The following GOSR1 variants were observed in gnomAD, a reference collection of about 807,000 sequenced individuals.
GOSR1 encodes golgi SNAP receptor complex member 1.
Under a neutral mutation model 35.5 loss-of-function variants are expected in GOSR1, and 21 were observed. The ratio of observed to expected loss-of-function variants is 0.59; its 90% CI spans 0.42 to 0.85. The LOEUF is 0.85. Ranked by LOEUF, GOSR1 falls within the 40% of genes least tolerant of loss-of-function variation. The pLI, the probability that GOSR1 is intolerant of heterozygous loss-of-function variation, is 0.00. For synonymous variants in GOSR1, 94 were observed against 106.6 expected (o/e 0.88, Z 0.73); for missense variants, 285 against 309.6 (o/e 0.92, Z 0.60).
chr17:30,477,425 A>G lies in GOSR1; in HGVS notation c.-9A>G. On this transcript the variant is annotated 5_prime_UTR_variant, in exon 1 of 9. Coordinates refer to ENST00000451249, the MANE Select transcript of GOSR1 (RefSeq NM_001007025.2). ...GCTCCCCTATCCCGGCTGACGTTGG[A>G]CGACAAAGATGGCGGCAGGGACCAG... 6.2e-7 allele frequency: 1 copy of G among 1,609,224 alleles called. No individual in the cohort carries two copies. The highest frequency in any genetic ancestry group is 1.3e-5 in the African/African-American group (1 of 74,846).
At chr17:30,521,177 T>C (rs1968019499) in intron 8 of GOSR1, among the ~76,000 whole-genome samples, 2 of 138,254 alleles carry the variant, frequency 1.4e-5, no homozygotes, top group Non-Finnish European at 3.1e-5. Context: ...CTTTTTTTTT[T>C]TTTTTTTTTT....
intron 6 of GOSR1, among the ~76,000 whole-genome samples, chr17:30,493,443 ACTT>A (rs1966884025): frequency 6.6e-6 from 1 of 152,174 alleles, no homozygotes; most frequent in Non-Finnish European, 1.5e-5. Flanking sequence ...GCTTCTAAAT[ACTT>A]CTCTTAAATC....
intron 5 of GOSR1, among the ~76,000 whole-genome samples, chr17:30,491,797 A>G (rs956302306): frequency 1.3e-5 from 2 of 152,248 alleles, no homozygotes; most frequent in South Asian, 4.1e-4. Flanking sequence ...TCTTTTGGTT[A>G]AGATAGAAAT....
In GOSR1 at chr17:30,490,222, G is replaced by A; in HGVS notation, c.434+5G>A. 1 of 1,317,984 alleles carries A rather than the reference G, an allele frequency of 7.6e-7. No homozygotes were observed. The highest frequency in any genetic ancestry group is 2.3e-5 in the East Asian group (1 of 43,366). The allele number at this position is 1,317,984 out of a possible 1,614,324, so 81.6% of individuals were successfully genotyped here. ...ATCAGTACGAAAAGATATTGAGTAAGTTACTTTTTATATTATTTTGTAGAA... is the reference window on the plus strand; with the variant it reads ...ATCAGTACGAAAAGATATTGAGTAAATTACTTTTTATATTATTTTGTAGAA... On this transcript the variant is annotated splice_donor_5th_base_variant and intron_variant, in intron 5 of 8. Transcript: ENST00000451249.
At chr17:30,481,856 A>G (rs1382122050) in intron 2 of GOSR1, among the ~76,000 whole-genome samples, 1 of 152,146 alleles carries the variant, frequency 6.6e-6, no homozygotes, top group South Asian at 2.1e-4. Flanking sequence ...GTAGCCAGGC[A>G]CAGTAGATGA....
At chr17:30,491,502 T>TA (rs1456908857) in intron 5 of GOSR1, among the ~76,000 whole-genome samples, 1 of 151,904 alleles carries the variant, frequency 6.6e-6, no homozygotes, top group Non-Finnish European at 1.5e-5. Context: ...CTACTAAAAA[T>TA]AAAAAAATTA....
chr17:30,492,554 A>G (rs575517832), intron 5 of GOSR1, 125 bp from the exon 6 acceptor site: 1 of 612,462 alleles, frequency 1.6e-6, no homozygotes, highest in Non-Finnish European at 2.9e-6. Context: ...AGGATTATGT[A>G]CTTTCATTGT....
At position 30,486,624 on chromosome 17, in the gene GOSR1, A is replaced by T. The variant is rs1597761715; in HGVS notation, c.342+1854A>T. 2.6e-5 allele frequency among the ~76,000 whole-genome samples: 4 copies of T among 152,336 alleles called. No homozygotes were observed. In the South Asian group the frequency reaches 8.3e-4, roughly 32 times the overall value. ...AGTACACGCAAGAAAATTACCTGAT[A>T]AAAAGTTAGAAACAATTAAATTCAG... On this transcript the variant is annotated intron_variant, in intron 4 of 8. Transcript: ENST00000451249.
intron 2 of GOSR1, among the ~76,000 whole-genome samples, chr17:30,482,648 T>C (rs751217939): frequency 7.2e-5 from 11 of 152,228 alleles, no homozygotes; most frequent in Non-Finnish European, 1.5e-4. Flanking sequence ...AGTGTATACA[T>C]TTGAACAAAA....
intron 7 of GOSR1, among the ~76,000 whole-genome samples, chr17:30,514,895 G>A (rs973543740): frequency 3.3e-5 from 5 of 152,140 alleles, no homozygotes; most frequent in East Asian, 3.9e-4. Context: ...GAGCTCTTTC[G>A]TGAGAGACAG....
intron 7 of GOSR1, 116 bp downstream of exon 7, chr17:30,511,025 A>C (rs1226397717): frequency 3.2e-6 from 2 of 626,690 alleles, no homozygotes; most frequent in East Asian, 2.8e-5. Flanking sequence ...GAACAGATCA[A>C]AGTTCGTTTA....
At position 30,525,087 on chromosome 17, in the gene GOSR1, A is replaced by G. The variant is rs986030610; in HGVS notation, c.*2709A>G. The G allele has an allele frequency of 2.0e-5, 3 of 152,212 alleles. No individual in the cohort carries two copies. The highest frequency in any genetic ancestry group is 1.3e-4 in the Admixed American group (2 of 15,288). 9.4% of individuals were successfully genotyped at this position (152,212 alleles called of 1,614,324 possible). ...CCTGGTTTGTAGACTTCCAACATCTACACTGCTGCTCTTCACCATTGGAAT... is the reference window on the plus strand; with the variant it reads ...CCTGGTTTGTAGACTTCCAACATCTGCACTGCTGCTCTTCACCATTGGAAT... On this transcript the variant is annotated 3_prime_UTR_variant, in exon 9 of 9. Transcript: ENST00000451249.
chr17:30,505,188 A>G (rs1184082192), intron 6 of GOSR1, among the ~76,000 whole-genome samples: 1 of 152,182 alleles, frequency 6.6e-6, no homozygotes, highest in African/African-American at 2.4e-5. Flanking sequence ...CACTTTATAA[A>G]TGTTTAACTT....
chr17:30,488,956 T>C (rs1914855640), intron 4 of GOSR1, among the ~76,000 whole-genome samples: 1 of 152,252 alleles, frequency 6.6e-6, no homozygotes, highest in Non-Finnish European at 1.5e-5. Context: ...AAGAATGATG[T>C]AGATTTCTTT....
intron 6 of GOSR1, among the ~76,000 whole-genome samples, chr17:30,506,721 G>C (rs1967414851): frequency 6.6e-6 from 1 of 152,206 alleles, no homozygotes; most frequent in Non-Finnish European, 1.5e-5. Context: ...AGAAGAAGAT[G>C]CCATTTAGGA....
intron 6 of GOSR1, among the ~76,000 whole-genome samples, chr17:30,497,539 A>T (rs374520646): frequency 6.6e-6 from 1 of 152,216 alleles, no homozygotes; most frequent in Non-Finnish European, 1.5e-5. Context: ...ATGAGAGAGG[A>T]TGTATGTAAA....
At chr17:30,501,909 A>G (rs1967224663) in intron 6 of GOSR1, among the ~76,000 whole-genome samples, 1 of 152,270 alleles carries the variant, frequency 6.6e-6, no homozygotes, top group African/African-American at 2.4e-5. Flanking sequence ...CTGTGCATGA[A>G]TGTTTTACAG....
chr17:30,482,545 G>T (rs1914425879), intron 2 of GOSR1, among the ~76,000 whole-genome samples: 1 of 152,170 alleles, frequency 6.6e-6, no homozygotes, highest in South Asian at 2.1e-4. Flanking sequence ...TTAGAAGTGA[G>T]TAGGATATTT....
At chr17:30,511,551 T>C (rs1431171764) in intron 7 of GOSR1, among the ~76,000 whole-genome samples, 3 of 150,850 alleles carry the variant, frequency 2.0e-5, no homozygotes, top group Non-Finnish European at 4.4e-5. Flanking sequence ...TTTTTTTAGA[T>C]GGAGTTTCAC....
Sources: gnomAD v4.1 joint callset for allele counts (sites outside exome capture counted in the v4.1 genomes callset) on GRCh38, gnomAD v4.1.1 for gene constraint, MANE v1.5 for transcripts, NCBI Gene and HGNC (gene_info 2026-07-23, HGNC 2026-07-21) for gene names.